Variants in CDH8 observed in about 807,000 individuals in gnomAD.
CDH8 encodes cadherin-8.
In CDH8, 17 loss-of-function variants were observed where a neutral mutation model predicts 68.1. The observed-to-expected ratio is 0.25, with a 90% CI of 0.17 to 0.37. The LOEUF (loss-of-function observed/expected upper bound fraction) is 0.37, where lower values mean the gene tolerates loss of function less well. Ranked by LOEUF, CDH8 falls within the 10% of genes least tolerant of loss-of-function variation. CDH8 has a pLI of 1.00. For missense variants in CDH8, 763 were observed against 999.3 expected (o/e 0.76, Z 3.19); for synonymous variants, 372 against 365.1 (o/e 1.02, Z -0.21).
At chr16:62,025,802 CAGAT>C (rs1597134016) in intron 1 of CDH8, among the ~76,000 whole-genome samples, 1 of 151,966 alleles carries the variant, frequency 6.6e-6, no homozygotes, top group Non-Finnish European at 1.5e-5. Flanking sequence ...AGGAAGTACT[CAGAT>C]AATATTAAAT....
chr16:61,869,835 A>G lies in CDH8; in HGVS notation c.548-12597T>C, dbSNP rs77092623. ...ATTTAAAAAATAACTCAAGTAATGAAGTCCTGCACTCAATTCAGTTCTGTT... is the reference window on the plus strand; with the variant it reads ...ATTTAAAAAATAACTCAAGTAATGAGGTCCTGCACTCAATTCAGTTCTGTT... On this transcript the variant is annotated intron_variant, in intron 3 of 11. Transcript: ENST00000577390. Among the ~76,000 whole-genome samples the G allele has an allele frequency of 4.5e-3, 687 of 152,348 alleles. 2 individuals carry two copies. Among genetic ancestry groups the G allele is most frequent in the Non-Finnish European group, 7.8e-3 (528 of 68,038 alleles).
At chr16:61,681,309 T>C (rs1257274784) in intron 10 of CDH8, among the ~76,000 whole-genome samples, 4 of 151,838 alleles carry the variant, frequency 2.6e-5, no homozygotes, top group East Asian at 1.9e-4. Flanking sequence ...AAACAAAACA[T>C]AGCCTATCCA....
At chr16:61,750,619 T>G (rs1024918488) in intron 8 of CDH8, among the ~76,000 whole-genome samples, 1 of 152,120 alleles carries the variant, frequency 6.6e-6, no homozygotes, top group African/African-American at 2.4e-5. Flanking sequence ...TATTATACAT[T>G]TTTTCAAGTT....
At chr16:61,700,516 T>C (rs12930084) in intron 10 of CDH8, among the ~76,000 whole-genome samples, 2 of 152,090 alleles carry the variant, frequency 1.3e-5, no homozygotes, top group African/African-American at 4.8e-5. Context: ...CTTAACCTTG[T>C]GATCCCCCCA....
intron 10 of CDH8, among the ~76,000 whole-genome samples, chr16:61,664,078 A>G (rs1276175182): frequency 2.6e-5 from 4 of 151,778 alleles, no homozygotes; most frequent in South Asian, 2.1e-4. Flanking sequence ...TGAGTCAAAC[A>G]TCTTCCCTCC....
intron 8 of CDH8, among the ~76,000 whole-genome samples, chr16:61,771,958 T>C (rs985462795): frequency 2.0e-5 from 3 of 151,976 alleles, no homozygotes; most frequent in African/African-American, 7.2e-5. Flanking sequence ...CATTCATTGT[T>C]AAATTATGGC....
chr16:61,811,023 CAAAAAA>C (rs34071898), intron 7 of CDH8, among the ~76,000 whole-genome samples: 1 of 87,686 alleles, frequency 1.1e-5, no homozygotes, highest in Non-Finnish European at 2.4e-5. Flanking sequence ...GACTCTGTCT[CAAAAAA>C]AAAAAAAAAA....
intron 3 of CDH8, among the ~76,000 whole-genome samples, chr16:61,877,366 C>G (rs1963480074): frequency 6.6e-6 from 1 of 151,742 alleles, no homozygotes; most frequent in Admixed American, 6.6e-5. Context: ...AGTTGAATTA[C>G]CTTGAACCAC....
chr16:61,906,166 A>G (rs1446223624), intron 2 of CDH8, among the ~76,000 whole-genome samples: 1 of 152,186 alleles, frequency 6.6e-6, no homozygotes, highest in Non-Finnish European at 1.5e-5. Flanking sequence ...CCATAAATAA[A>G]TGGTTTCAAA....
chr16:61,779,462 T>TGCGC (rs1310706610), intron 8 of CDH8, among the ~76,000 whole-genome samples: 2 of 136,294 alleles, frequency 1.5e-5, no homozygotes, highest in African/African-American at 5.4e-5. Flanking sequence ...TGTGTGTGTG[T>TGCGC]GTGCGCGCAT....
At chr16:61,841,686 T>C (rs141444193) in intron 4 of CDH8, among the ~76,000 whole-genome samples, 1,586 of 152,280 alleles carry the variant, frequency 0.01, 23 homozygotes, top group African/African-American at 0.035. Flanking sequence ...TGTTTGTAAC[T>C]CAAAGGATAA....
chr16:61,707,918 C>A (rs1362422906), intron 10 of CDH8, among the ~76,000 whole-genome samples: 1 of 152,012 alleles, frequency 6.6e-6, no homozygotes, highest in Non-Finnish European at 1.5e-5. Flanking sequence ...CAGTAAATAA[C>A]ATTATTATTT....
intron 2 of CDH8, among the ~76,000 whole-genome samples, chr16:61,960,579 T>C (rs982636955): frequency 1.3e-5 from 2 of 152,162 alleles, no homozygotes; most frequent in Non-Finnish European, 2.9e-5. Flanking sequence ...CATAAGCTGG[T>C]GCCCAAAAAG....
chr16:61,773,316 T>A (rs1046216715), intron 8 of CDH8, among the ~76,000 whole-genome samples: 14 of 152,020 alleles, frequency 9.2e-5, no homozygotes, highest in Non-Finnish European at 1.6e-4. Flanking sequence ...GTGAATGATT[T>A]GCTAGAGTTG....
chr16:61,650,124 A>T lies in CDH8; in HGVS notation c.*3484T>A, dbSNP rs1963288347. On this transcript the variant is annotated 3_prime_UTR_variant, in exon 12 of 12. Transcript: ENST00000577390. ...TGTGGCAAGGTTAACACTTGAATTT[A>T]AAAATAGCATATTTTAGTCATCGTA... 6.6e-6 allele frequency: 1 copy of T among 152,170 alleles called. No individual in the cohort carries two copies. Among genetic ancestry groups the T allele is most frequent in the Non-Finnish European group, 1.5e-5 (1 of 68,026 alleles). 9.4% of individuals were successfully genotyped at this position (152,170 alleles called of 1,614,324 possible). A position where few individuals can be genotyped will look rare whatever the true frequency, so the allele number is the denominator to read the frequency against.
chr16:61,885,718 A>T (rs1280850545), intron 3 of CDH8, among the ~76,000 whole-genome samples: 1 of 152,184 alleles, frequency 6.6e-6, no homozygotes, highest in African/African-American at 2.4e-5. Flanking sequence ...ATCCAAAAAA[A>T]AAAAAAAAAG....
intron 2 of CDH8, among the ~76,000 whole-genome samples, chr16:61,952,604 A>G (rs556960993): frequency 1.3e-3 from 192 of 152,342 alleles, no homozygotes; most frequent in African/African-American, 4.5e-3. Flanking sequence ...AATCTATGCA[A>G]AAGTCAAAAA....
At chr16:61,710,074 A>T (rs555233854) in intron 10 of CDH8, among the ~76,000 whole-genome samples, 29 of 152,286 alleles carry the variant, frequency 1.9e-4, no homozygotes, top group African/African-American at 6.3e-4. Context: ...ATGAATTCAC[A>T]TATAAAGGGA....
intron 10 of CDH8, among the ~76,000 whole-genome samples, chr16:61,688,217 T>C (rs1248551813): frequency 6.6e-6 from 1 of 152,168 alleles, no homozygotes; most frequent in East Asian, 1.9e-4. Context: ...TACCCTTCCA[T>C]ACCCACCTCC....
Sources: gnomAD v4.1 joint callset for allele counts (sites outside exome capture counted in the v4.1 genomes callset) on GRCh38, gnomAD v4.1.1 for gene constraint, MANE v1.5 for transcripts, NCBI Gene and HGNC (gene_info 2026-07-23, HGNC 2026-07-21) for gene names.